Variants in PTPRD observed in about 807,000 individuals in gnomAD.
PTPRD encodes the protein protein tyrosine phosphatase receptor type D, also known as receptor-type tyrosine-protein phosphatase delta.
PTPRD carries 34 observed loss-of-function variants against 214.5 expected under a neutral mutation model. That is an observed-to-expected ratio of 0.16 (90% confidence interval 0.12 to 0.21). PTPRD has a LOEUF of 0.21. PTPRD is among the 10% of genes least tolerant of loss of function. PTPRD has a pLI of 1.00. For synonymous variants in PTPRD, 1,128 were observed against 845.7 expected, an observed-to-expected ratio of 1.33 and a Z score of -5.79; for missense variants, 2,545 against 2,398.7, an observed-to-expected ratio of 1.06 and a Z score of -1.27.
chr9:10,507,584 C>T (rs1257783489), intron 2 of PTPRD, among the ~76,000 whole-genome samples: 6 of 152,214 alleles, frequency 3.9e-5, no homozygotes, highest in Admixed American at 3.9e-4. Flanking sequence ...CAGCATGCCA[C>T]TGGTACCAAA....
At chr9:8,799,572 A>C (rs947902898) in intron 11 of PTPRD, among the ~76,000 whole-genome samples, 1 of 152,350 alleles carries the variant, frequency 6.6e-6, no homozygotes, top group East Asian at 1.9e-4. Flanking sequence ...TAAGCAAGGA[A>C]GTTTGTTGTT....
At chr9:8,989,387 T>C (rs1567434443) in intron 11 of PTPRD, among the ~76,000 whole-genome samples, 1 of 152,086 alleles carries the variant, frequency 6.6e-6, no homozygotes, top group Non-Finnish European at 1.5e-5. Context: ...CAGCCTCTAG[T>C]AATCACCAAT....
intron 8 of PTPRD, among the ~76,000 whole-genome samples, chr9:9,476,424 A>T (rs2095047450): frequency 6.6e-6 from 1 of 152,222 alleles, no homozygotes; most frequent in Non-Finnish European, 1.5e-5. Context: ...GAGGATTATA[A>T]CAGATTTTGT....
At chr9:9,643,053 G>A (rs983953083) in intron 7 of PTPRD, among the ~76,000 whole-genome samples, 1 of 152,198 alleles carries the variant, frequency 6.6e-6, no homozygotes, top group Non-Finnish European at 1.5e-5. Flanking sequence ...GTTTCCATGA[G>A]CACATACATG....
At chr9:8,686,977 C>T (rs551418011) in intron 12 of PTPRD, among the ~76,000 whole-genome samples, 278 of 152,138 alleles carry the variant, frequency 1.8e-3, no homozygotes, top group African/African-American at 6.4e-3. Context: ...GTATTTCCCC[C>T]GGGGGAGAAG....
chr9:9,932,701 C>A (rs1027325225), intron 5 of PTPRD, among the ~76,000 whole-genome samples: 1 of 106,002 alleles, frequency 9.4e-6, no homozygotes, highest in Non-Finnish European at 1.9e-5. Flanking sequence ...GGCAGGCCAA[C>A]GTTCAGATTC....
intron 8 of PTPRD, among the ~76,000 whole-genome samples, chr9:9,439,004 C>A (rs1361718868): frequency 6.6e-6 from 1 of 152,080 alleles, no homozygotes; most frequent in Non-Finnish European, 1.5e-5. Context: ...ATAATACACT[C>A]AAATAAAATG....
At chr9:10,088,309 A>C (rs1223057854) in intron 3 of PTPRD, among the ~76,000 whole-genome samples, 1 of 151,770 alleles carries the variant, frequency 6.6e-6, no homozygotes, top group Admixed American at 6.6e-5. Flanking sequence ...ATGTAATTGG[A>C]ATTTCCAGCT....
intron 35 of PTPRD, among the ~76,000 whole-genome samples, chr9:8,415,173 T>G (rs1174784688): frequency 6.6e-6 from 1 of 152,138 alleles, no homozygotes; most frequent in Admixed American, 6.5e-5. Flanking sequence ...TCACCCTTGT[T>G]CACCTTAACT....
chr9:9,253,050 T>C (rs989986313), intron 9 of PTPRD, among the ~76,000 whole-genome samples: 3 of 152,108 alleles, frequency 2.0e-5, no homozygotes, highest in Admixed American at 2.0e-4. Flanking sequence ...GTAGAATAAT[T>C]GTGAAATTTT....
chr9:10,205,563 A>C (rs1011962900), intron 3 of PTPRD, among the ~76,000 whole-genome samples: 1 of 151,700 alleles, frequency 6.6e-6, no homozygotes, highest in Non-Finnish European at 1.5e-5. Flanking sequence ...AAGCCACCAC[A>C]CCAGCCTAAT....
chr9:10,096,543 A>G (rs531421120), intron 3 of PTPRD, among the ~76,000 whole-genome samples: 4 of 151,922 alleles, frequency 2.6e-5, no homozygotes, highest in Non-Finnish European at 5.9e-5. Flanking sequence ...TCTTCTTTTG[A>G]GAAGTGTCTG....
intron 10 of PTPRD, among the ~76,000 whole-genome samples, chr9:9,099,408 T>C (rs1203391247): frequency 3.9e-5 from 6 of 152,270 alleles, no homozygotes; most frequent in South Asian, 2.1e-4. Context: ...CTAATCATGT[T>C]TGTCTTGAAT....
At chr9:9,667,824 C>G (rs927355825) in intron 7 of PTPRD, among the ~76,000 whole-genome samples, 4 of 152,138 alleles carry the variant, frequency 2.6e-5, no homozygotes, top group Admixed American at 2.6e-4. Flanking sequence ...GACAGGGAAG[C>G]AGTAATCTGC....
chr9:10,424,205 CTTA>C (rs1210058976), intron 2 of PTPRD, among the ~76,000 whole-genome samples: 2 of 151,864 alleles, frequency 1.3e-5, no homozygotes, highest in South Asian at 4.1e-4. Context: ...ATGTGTGATA[CTTA>C]TTATGTTATG....
chr9:9,454,805 G>A (rs1417926514), intron 8 of PTPRD, among the ~76,000 whole-genome samples: 2 of 151,038 alleles, frequency 1.3e-5, no homozygotes, highest in Non-Finnish European at 3.0e-5. Flanking sequence ...GCAAAAGACA[G>A]GTGAATCAGA....
chr9:9,586,180 T>C (rs191405807), intron 7 of PTPRD, among the ~76,000 whole-genome samples: 48 of 152,070 alleles, frequency 3.2e-4, no homozygotes, highest in Admixed American at 3.9e-4. Flanking sequence ...CAGTCTCTCA[T>C]CTCTCATATT....
chr9:8,434,473 C>T (rs541835094), intron 35 of PTPRD, among the ~76,000 whole-genome samples: 1 of 152,154 alleles, frequency 6.6e-6, no homozygotes, highest in Non-Finnish European at 1.5e-5. Flanking sequence ...ACAAAATCAC[C>T]CAAGAACACA....
At chr9:9,166,550 C>T (rs938492369) in intron 10 of PTPRD, among the ~76,000 whole-genome samples, 6 of 152,266 alleles carry the variant, frequency 3.9e-5, no homozygotes, top group Non-Finnish European at 7.3e-5. Flanking sequence ...ATCCATCATC[C>T]CTACAAAACC....
Sources: allele counts gnomAD v4.1 joint callset (sites outside exome capture counted in the v4.1 genomes callset), GRCh38; gene constraint gnomAD v4.1.1; transcripts MANE v1.5; gene names NCBI Gene and HGNC (gene_info 2026-07-23, HGNC 2026-07-21).